The following SLC35F3 variants were observed in gnomAD, a reference collection of about 807,000 sequenced individuals.
SLC35F3 encodes solute carrier family 35 member F3.
A neutral mutation model predicts 49.9 loss-of-function variants in SLC35F3; 25 were observed. The ratio of observed to expected loss-of-function variants is 0.50; its 90% CI spans 0.37 to 0.70. SLC35F3 has a LOEUF of 0.70. Among genes scored for constraint, SLC35F3 ranks in the 30% least tolerant of loss-of-function variants. The probability of loss-of-function intolerance (pLI) is 0.00; values close to 1 mark genes in which losing one functional copy is unlikely to be tolerated. For synonymous variants in SLC35F3, 275 were observed against 265.4 expected, an observed-to-expected ratio of 1.04 and a Z score of -0.35; for missense variants, 525 against 639.8, an observed-to-expected ratio of 0.82 and a Z score of 1.94.
At chr1:234,295,092 C>G (rs12023304) in intron 3 of SLC35F3, among the ~76,000 whole-genome samples, 48,156 of 152,158 alleles carry the variant, frequency 0.32, 7,896 homozygotes, top group East Asian at 0.59. Flanking sequence ...ATCTCAGTGC[C>G]TCGCTGTCCC....
At chr1:234,033,373 A>G (rs1664090835) in intron 2 of SLC35F3, among the ~76,000 whole-genome samples, 1 of 151,978 alleles carries the variant, frequency 6.6e-6, no homozygotes, top group Non-Finnish European at 1.5e-5. Context: ...AGTCCCATCT[A>G]TTTATCTTTG....
At chr1:233,986,677 T>G (rs1663271043) in intron 2 of SLC35F3, among the ~76,000 whole-genome samples, 1 of 152,378 alleles carries the variant, frequency 6.6e-6, no homozygotes, top group South Asian at 2.1e-4. Flanking sequence ...CATTTGCTTA[T>G]TTTTGTATTT....
At chr1:234,049,513 T>C (rs1558214714) in intron 2 of SLC35F3, among the ~76,000 whole-genome samples, 2 of 152,310 alleles carry the variant, frequency 1.3e-5, no homozygotes, top group East Asian at 1.9e-4. Context: ...TGATCAGGAC[T>C]TCTAGCCTCC....
intron 2 of SLC35F3, among the ~76,000 whole-genome samples, chr1:233,923,286 A>C (rs1274093995): frequency 3.3e-5 from 5 of 152,088 alleles, no homozygotes; most frequent in Non-Finnish European, 5.9e-5. Flanking sequence ...ATGAGCATGG[A>C]ATGTTCTTCC....
chr1:233,998,327 T>C (rs910036211), intron 2 of SLC35F3, among the ~76,000 whole-genome samples: 1 of 152,220 alleles, frequency 6.6e-6, no homozygotes, highest in South Asian at 2.1e-4. Context: ...TATGATAGCA[T>C]CTAATTATAT....
intron 3 of SLC35F3, among the ~76,000 whole-genome samples, chr1:234,274,932 A>G (rs1286337633): frequency 1.3e-5 from 2 of 152,354 alleles, no homozygotes; most frequent in East Asian, 1.9e-4. Flanking sequence ...ATGAAAAAGA[A>G]TGAGTTCTCC....
chr1:234,293,321 C>A (rs1385222441), intron 3 of SLC35F3, among the ~76,000 whole-genome samples: 1 of 152,210 alleles, frequency 6.6e-6, no homozygotes, highest in African/African-American at 2.4e-5. Context: ...TTCCGGGGTG[C>A]AAGCCTGAGT....
At chr1:234,051,709 T>A (rs1236441489) in intron 2 of SLC35F3, among the ~76,000 whole-genome samples, 1 of 152,176 alleles carries the variant, frequency 6.6e-6, no homozygotes, top group Non-Finnish European at 1.5e-5. Context: ...AGCATCCCTG[T>A]CTTGTGCCAG....
At chr1:233,998,730 T>C (rs1486917285) in intron 2 of SLC35F3, among the ~76,000 whole-genome samples, 1 of 152,150 alleles carries the variant, frequency 6.6e-6, no homozygotes, top group Admixed American at 6.6e-5. Flanking sequence ...CTAATGTTGA[T>C]TAATTTAAAT....
chr1:233,988,544 C>T (rs2102825868), intron 2 of SLC35F3, among the ~76,000 whole-genome samples: 1 of 152,280 alleles, frequency 6.6e-6, no homozygotes, highest in Middle Eastern at 3.4e-3. Context: ...TTTGAGGGTC[C>T]TGTGGCTCAA....
chr1:234,095,267 C>G (rs1236560735), intron 2 of SLC35F3, among the ~76,000 whole-genome samples: 1 of 152,124 alleles, frequency 6.6e-6, no homozygotes, highest in Admixed American at 6.5e-5. Context: ...TGGAGCCAGT[C>G]AGTATAACTG....
rs187747679 is a variant in SLC35F3, at chr1:234,186,200, C to T, written c.284-45217C>T. ...TCTCATTGCATTAATATCCCTGGCA[C>T]CTCATTTGAGGTGAGATATGACTTG... On this transcript the variant is annotated intron_variant, in intron 2 of 7. Coordinates refer to ENST00000366618, the MANE Select transcript of SLC35F3 (RefSeq NM_173508.4). Among the ~76,000 whole-genome samples, 4 of 152,340 alleles carry T rather than the reference C, an allele frequency of 2.6e-5. No individual in the cohort carries two copies. In the East Asian group the frequency reaches 7.7e-4, roughly 29 times the overall value.
At chr1:234,132,011 G>C (rs1360796433) in intron 2 of SLC35F3, among the ~76,000 whole-genome samples, 1 of 152,170 alleles carries the variant, frequency 6.6e-6, no homozygotes, top group Non-Finnish European at 1.5e-5. Flanking sequence ...CCTAGAAGCA[G>C]CTGAGATGGG....
At chr1:234,061,718 C>A (rs925892743) in intron 2 of SLC35F3, among the ~76,000 whole-genome samples, 23 of 152,056 alleles carry the variant, frequency 1.5e-4, no homozygotes, top group African/African-American at 5.3e-4. Context: ...AATTTTTCTT[C>A]TGCCAGTTTA....
intron 2 of SLC35F3, among the ~76,000 whole-genome samples, chr1:234,021,396 A>G (rs1278800648): frequency 6.6e-6 from 1 of 152,218 alleles, no homozygotes; most frequent in Admixed American, 6.5e-5. Context: ...ATGTCATATC[A>G]TCATCCCTTC....
Position 233,957,457 on chromosome 1 carries a change from G to A in SLC35F3, c.283+51699G>A, listed in dbSNP as rs1662723623. On this transcript the variant is annotated intron_variant, in intron 2 of 7. Coordinates refer to ENST00000366618, the MANE Select transcript of SLC35F3 (RefSeq NM_173508.4). This position sits in a 1 kb window ranked among gnomAD's most constrained non-coding sequence, Gnocchi z 4.0. Reference sequence around the variant, plus strand: ...CTGTATTCTAGCCTTACTAAATTCTGTGATGTTTTCTGAATGTTTCAGTTG... The same window carrying A: ...CTGTATTCTAGCCTTACTAAATTCTATGATGTTTTCTGAATGTTTCAGTTG... Among the ~76,000 whole-genome samples the A allele has an allele frequency of 6.6e-6, 1 of 152,080 alleles. No homozygotes were observed. Among genetic ancestry groups the A allele is most frequent in the Non-Finnish European group, 1.5e-5 (1 of 68,024 alleles).
At chr1:234,025,639 C>T (rs781296008) in intron 2 of SLC35F3, among the ~76,000 whole-genome samples, 9 of 152,020 alleles carry the variant, frequency 5.9e-5, no homozygotes, top group Admixed American at 1.3e-4. Context: ...TGTCTGTTCA[C>T]GTCCTTTGCC....
At chr1:234,321,272 G>A (rs1254989590) in intron 7 of SLC35F3, among the ~76,000 whole-genome samples, 5 of 152,202 alleles carry the variant, frequency 3.3e-5, no homozygotes, top group African/African-American at 1.2e-4. Flanking sequence ...ACAGGGCTCA[G>A]GCCCAGCACC....
chr1:234,309,409 C>G, intron 4 of SLC35F3, 89 bp downstream of exon 4: 1 of 1,136,370 alleles, frequency 8.8e-7, no homozygotes, highest in Non-Finnish European at 1.3e-6. Flanking sequence ...TGTGCTGGAC[C>G]ATGAGCATAA....
Sources: allele counts gnomAD v4.1 joint callset (sites outside exome capture counted in the v4.1 genomes callset), GRCh38; gene constraint gnomAD v4.1.1; non-coding constraint Gnocchi (gnomAD v3.1); transcripts MANE v1.5; gene names NCBI Gene and HGNC (gene_info 2026-07-23, HGNC 2026-07-21).